Variants in NEGR1 observed in about 807,000 individuals in gnomAD.
NEGR1 encodes IgLON family member 4.
NEGR1 carries 10 observed loss-of-function variants against 40.9 expected under a neutral mutation model. The observed-to-expected ratio is 0.24, with a 90% confidence interval of 0.15 to 0.42. The LOEUF is 0.42. Ranked by LOEUF, NEGR1 falls within the 10% of genes least tolerant of loss-of-function variation. NEGR1 has a pLI of 1.00. For synonymous variants in NEGR1, 185 were observed against 166.8 expected, an observed-to-expected ratio of 1.11 and a Z score of -0.84; for missense variants, 352 against 438.9, an observed-to-expected ratio of 0.80 and a Z score of 1.77.
At chr1:72,265,310 A>C (rs1655603481) in intron 1 of NEGR1, among the ~76,000 whole-genome samples, 1 of 150,952 alleles carries the variant, frequency 6.6e-6, no homozygotes, top group Non-Finnish European at 1.5e-5. Flanking sequence ...TTAGCCTTTA[A>C]TTTTAATTAA....
At chr1:71,986,719 A>T (rs992847396) in intron 1 of NEGR1, among the ~76,000 whole-genome samples, 1 of 152,198 alleles carries the variant, frequency 6.6e-6, no homozygotes, top group Non-Finnish European at 1.5e-5. Flanking sequence ...CCTTTCCCTG[A>T]TATCCTGACC....
intron 2 of NEGR1, among the ~76,000 whole-genome samples, chr1:71,817,640 AG>A (rs57336908): frequency 0.039 from 5,966 of 152,096 alleles, 372 homozygotes; most frequent in African/African-American, 0.14. Flanking sequence ...ATCACTAGTA[AG>A]GAGGAACACA....
intron 2 of NEGR1, among the ~76,000 whole-genome samples, chr1:71,904,148 C>A (rs935620371): frequency 7.2e-5 from 11 of 151,748 alleles, no homozygotes; most frequent in African/African-American, 2.7e-4. Flanking sequence ...GTTGTGACAG[C>A]ATTTCTAAGG....
At chr1:72,156,356 A>G (rs986145125) in intron 1 of NEGR1, among the ~76,000 whole-genome samples, 7 of 152,132 alleles carry the variant, frequency 4.6e-5, no homozygotes, top group Non-Finnish European at 1.0e-4. Flanking sequence ...CCATTTCACA[A>G]GGTTTCAAAA....
chr1:72,101,040 CA>C (rs2100244691), intron 1 of NEGR1: 1 of 152,292 alleles, frequency 6.6e-6, no homozygotes, highest in African/African-American at 2.4e-5. Context: ...ACTTATCTGT[CA>C]AAAGCCCCAT....
At chr1:71,899,707 T>C (rs2101861760) in intron 2 of NEGR1, among the ~76,000 whole-genome samples, 1 of 152,184 alleles carries the variant, frequency 6.6e-6, no homozygotes, top group East Asian at 1.9e-4. Context: ...TCAAAAGTCT[T>C]CTTATTTATA....
chr1:72,077,752 G>T (rs1244942508), intron 1 of NEGR1, among the ~76,000 whole-genome samples: 1 of 152,102 alleles, frequency 6.6e-6, no homozygotes, highest in African/African-American at 2.4e-5. Flanking sequence ...GGTTGAGGCT[G>T]CAGTAAGCCC....
intron 2 of NEGR1, among the ~76,000 whole-genome samples, chr1:71,791,163 C>T (rs947393276): frequency 8.6e-5 from 13 of 151,868 alleles, no homozygotes; most frequent in Non-Finnish European, 7.4e-5. Flanking sequence ...ATATCAGGTG[C>T]ACTTGTGGAA....
chr1:72,264,607 T>C (rs956012052), intron 1 of NEGR1, among the ~76,000 whole-genome samples: 1 of 150,800 alleles, frequency 6.6e-6, no homozygotes, highest in African/African-American at 2.4e-5. Flanking sequence ...TCTTCTATTA[T>C]TTGTTATCCA....
chr1:72,039,410 T>A (rs1439141496), intron 1 of NEGR1, among the ~76,000 whole-genome samples: 1 of 151,932 alleles, frequency 6.6e-6, no homozygotes, highest in East Asian at 1.9e-4. Flanking sequence ...AAGACCCTGC[T>A]AGTAACAATA....
At chr1:71,524,348 GT>G (rs1647192483) in intron 6 of NEGR1, among the ~76,000 whole-genome samples, 2 of 150,938 alleles carry the variant, frequency 1.3e-5, no homozygotes, top group South Asian at 4.2e-4. Context: ...GTGTGTGTGT[GT>G]GTGTGTGATA....
chr1:71,671,734 C>T (rs764619915), intron 4 of NEGR1, among the ~76,000 whole-genome samples: 8 of 152,204 alleles, frequency 5.3e-5, no homozygotes, highest in Middle Eastern at 6.8e-3. Context: ...TTCTGTTCAA[C>T]CTTCTTTGAC....
At chr1:71,973,265 G>C (rs1291507440) in intron 1 of NEGR1, among the ~76,000 whole-genome samples, 1 of 150,178 alleles carries the variant, frequency 6.7e-6, no homozygotes, top group East Asian at 2.0e-4. Context: ...GCAGTGAGCC[G>C]AGATCGCGCC....
chr1:71,899,708 CTTAT>C (rs1183194034), intron 2 of NEGR1, among the ~76,000 whole-genome samples: 1 of 152,036 alleles, frequency 6.6e-6, no homozygotes, highest in East Asian at 1.9e-4. Flanking sequence ...CAAAAGTCTT[CTTAT>C]TTATAGTTGG....
At chr1:72,100,571 TTTTA>T (rs576258943) in intron 1 of NEGR1, among the ~76,000 whole-genome samples, 83 of 152,202 alleles carry the variant, frequency 5.5e-4, no homozygotes, top group Non-Finnish European at 1.0e-3. Flanking sequence ...ATTGTTCCAG[TTTTA>T]TGGAAGTAAT....
At chr1:71,846,206 C>T (rs908212778) in intron 2 of NEGR1, among the ~76,000 whole-genome samples, 1 of 151,882 alleles carries the variant, frequency 6.6e-6, no homozygotes, top group Non-Finnish European at 1.5e-5. Context: ...AAGCAAGTTT[C>T]CCCCCCAACC....
chr1:71,599,853 T>C (rs1649855897), intron 5 of NEGR1, among the ~76,000 whole-genome samples: 1 of 152,166 alleles, frequency 6.6e-6, no homozygotes, highest in Admixed American at 6.5e-5. Flanking sequence ...CTACGTTAAA[T>C]AAACAATGGC....
At chr1:71,614,432 A>G (rs951037344) in intron 4 of NEGR1, among the ~76,000 whole-genome samples, 1 of 152,174 alleles carries the variant, frequency 6.6e-6, no homozygotes, top group African/African-American at 2.4e-5. Context: ...TGTCACCTGC[A>G]AAAGCCAATT....
intron 6 of NEGR1, among the ~76,000 whole-genome samples, chr1:71,542,144 A>G (rs549859399): frequency 6.6e-6 from 1 of 151,884 alleles, no homozygotes. Flanking sequence ...AGTCCAAGGT[A>G]CTTCTATGAT....
Sources: allele counts gnomAD v4.1 joint callset (sites outside exome capture counted in the v4.1 genomes callset), GRCh38; gene constraint gnomAD v4.1.1; transcripts MANE v1.5; gene names NCBI Gene and HGNC (gene_info 2026-07-23, HGNC 2026-07-21).